Variants in WDR47 observed in about 807,000 individuals in gnomAD.
The protein encoded by WDR47 is WD repeat-containing protein 47.
A neutral mutation model predicts 97.2 loss-of-function variants in WDR47; 32 were observed. The observed-to-expected ratio is 0.33, with a 90% CI of 0.25 to 0.44. The LOEUF is 0.44. Ranked by LOEUF, WDR47 falls within the 20% of genes least tolerant of loss-of-function variation. WDR47 has a pLI of 1.00. For synonymous variants in WDR47, 375 were observed against 373.5 expected (o/e 1.00, Z -0.05); for missense variants, 782 against 1,102.3 (o/e 0.71, Z 4.11).
At chr1:109,041,751 G>C (rs1367496710) in intron 1 of WDR47, 111 bp downstream of exon 1, 9 of 152,308 alleles carry the variant, frequency 5.9e-5, no homozygotes, top group Non-Finnish European at 1.3e-4. Context: ...CACAGTCCTC[G>C]GGGCCGCCCG....
In WDR47 at chr1:109,011,738, G is replaced by A; in HGVS notation, c.328-20C>T. 1.3e-6 allele frequency: 2 copies of A among 1,551,604 alleles called. No homozygotes were observed. The highest frequency in any genetic ancestry group is 1.7e-6 in the Non-Finnish European group (2 of 1,149,554). On this transcript the variant is annotated intron_variant, in intron 4 of 14. Transcript: ENST00000369962. ...TTCCAGCTGTAAGAAAAATATAAAT[G>A]ATCAAATAATCACTATAAAAAACAT... is the stretch of plus-strand genomic sequence containing the variant.
chr1:109,000,237 G>A (rs1625256), intron 7 of WDR47, among the ~76,000 whole-genome samples: 6 of 151,700 alleles, frequency 4.0e-5, no homozygotes, highest in East Asian at 1.9e-4. Flanking sequence ...AAGGGCAGGC[G>A]CAGTGGCTTA....
rs369190600 is a variant in WDR47, at chr1:109,017,607, T to A, written c.159-6A>T. ...GACCATCAAGTATTAGCTGCCTAAA[T>A]AAAAAATTTAAAAAAACCAGCATGT... is the stretch of plus-strand genomic sequence containing the variant. On this transcript the variant is annotated splice_region_variant and splice_polypyrimidine_tract_variant and intron_variant, in intron 2 of 14. Coordinates refer to ENST00000369962, the MANE Select transcript of WDR47 (RefSeq NM_001142551.2). 2 of 1,600,312 alleles carry A rather than the reference T, an allele frequency of 1.2e-6. No homozygotes were observed. Among genetic ancestry groups the A allele is most frequent in the African/African-American group, 2.7e-5 (2 of 73,738 alleles).
intron 1 of WDR47, among the ~76,000 whole-genome samples, chr1:109,039,032 T>C (rs1024943440): frequency 6.6e-6 from 1 of 152,070 alleles, no homozygotes; most frequent in African/African-American, 2.4e-5. Flanking sequence ...GAAAGTTCAC[T>C]GAGATCAATT....
At position 109,031,308 on chromosome 1, in the gene WDR47, A is replaced by G. The variant is rs1024195198; in HGVS notation, c.-9-7787T>C. ...GGAACTGTGAATGATTTTTGGCCAGAAGAAATAAATTATGTTTAAAGCAGG... is the reference window on the plus strand; with the variant it reads ...GGAACTGTGAATGATTTTTGGCCAGGAGAAATAAATTATGTTTAAAGCAGG... On this transcript the variant is annotated intron_variant, in intron 1 of 14. Coordinates refer to ENST00000369962, the MANE Select transcript of WDR47 (RefSeq NM_001142551.2). Among the ~76,000 whole-genome samples, 4 of 140,394 alleles carry G rather than the reference A, an allele frequency of 2.8e-5. 1 individual carries two copies. Among genetic ancestry groups the G allele is most frequent in the Non-Finnish European group, 4.8e-5 (3 of 63,024 alleles). 92.1% of individuals were successfully genotyped at this position (140,394 alleles called of 152,430 possible). A position where few individuals can be genotyped will look rare whatever the true frequency, so the allele number is the denominator to read the frequency against.
At chr1:109,036,362 A>G (rs532775485) in intron 1 of WDR47, among the ~76,000 whole-genome samples, 84 of 151,804 alleles carry the variant, frequency 5.5e-4, no homozygotes, top group South Asian at 3.5e-3. Context: ...TCACAAAGTC[A>G]GGAGATCCAG....
intron 7 of WDR47, among the ~76,000 whole-genome samples, chr1:108,999,237 A>C (rs988192240): frequency 6.6e-6 from 1 of 151,928 alleles, no homozygotes; most frequent in Non-Finnish European, 1.5e-5. Context: ...CCAAAAAAAA[A>C]AAAAATTATA....
chr1:108,988,403 A>G (rs538236526), intron 9 of WDR47, among the ~76,000 whole-genome samples: 66 of 152,276 alleles, frequency 4.3e-4, no homozygotes, highest in African/African-American at 1.2e-3. Flanking sequence ...CTTAAGAAAA[A>G]ATGTTTACCA....
chr1:109,003,374 TTC>T lies in WDR47; in HGVS notation c.1255-974_1255-973del, dbSNP rs1660354738. 2.0e-5 allele frequency among the ~76,000 whole-genome samples: 3 copies of T among 152,248 alleles called. No homozygotes were observed. In the South Asian group the frequency reaches 6.2e-4, roughly 32 times the overall value. ...TTTTAATAGTAATTTTTCTACTTCATTCTTTTTTTAATTTTAATTTTTTTCTT... is the reference window on the plus strand; with the variant it reads ...TTTTAATAGTAATTTTTCTACTTCATTTTTTTTAATTTTAATTTTTTTCTT... On this transcript the variant is annotated intron_variant, in intron 6 of 14. Transcript: ENST00000369962.
rs567923865 is a variant in WDR47 at position 108,992,830 on chromosome 1, G to T, written c.1692-1501C>A. ...TGAAGAAACAAAAACTTATGGCACG[G>T]GAGTAAATTCAGCATTAAAATAAAT... On this transcript the variant is annotated intron_variant, in intron 8 of 14. Coordinates refer to ENST00000369962, the MANE Select transcript of WDR47 (RefSeq NM_001142551.2). 8 of 1,524,082 alleles carry T rather than the reference G, an allele frequency of 5.2e-6. No individual in the cohort carries two copies. The African/African-American group carries it at 6.9e-5, about 13-fold the overall frequency. 94.4% of individuals were successfully genotyped at this position (1,524,082 alleles called of 1,614,324 possible).
rs185990741 is a variant in WDR47 at position 108,970,967 on chromosome 1, G to C, written c.*463C>G. On this transcript the variant is annotated 3_prime_UTR_variant, in exon 15 of 15. Transcript: ENST00000369962. ...AGAAGACAAGTGATAATACAATATG[G>C]GATCGTGAGAAGAGCAAAAGTAATT... 1 of 154,136 alleles carries C rather than the reference G, an allele frequency of 6.5e-6. No individual in the cohort carries two copies. The highest frequency in any genetic ancestry group is 1.9e-4 in the East Asian group (1 of 5,236). 9.5% of individuals were successfully genotyped at this position (154,136 alleles called of 1,614,324 possible). A position where few individuals can be genotyped will look rare whatever the true frequency, so the allele number is the denominator to read the frequency against.
chr1:109,022,688 G>T (rs999299714), intron 2 of WDR47, among the ~76,000 whole-genome samples: 12 of 152,002 alleles, frequency 7.9e-5, no homozygotes, highest in African/African-American at 2.9e-4. Context: ...TGGTTCAAAT[G>T]ATTCTCCTGC....
intron 5 of WDR47, 30 bp downstream of exon 5, chr1:109,010,886 A>C (rs201787921): frequency 1.7e-5 from 27 of 1,577,976 alleles, no homozygotes; most frequent in African/African-American, 2.7e-5. Flanking sequence ...CCGGCCTAAG[A>C]TTTCCTAATT....
chr1:109,025,801 A>C (rs1319353471), intron 1 of WDR47, among the ~76,000 whole-genome samples: 1 of 152,182 alleles, frequency 6.6e-6, no homozygotes, highest in Non-Finnish European at 1.5e-5. Flanking sequence ...CAAACCACAG[A>C]AAAATAATTA....
At chr1:109,002,892 A>G (rs1473267905) in intron 6 of WDR47, among the ~76,000 whole-genome samples, 2 of 152,214 alleles carry the variant, frequency 1.3e-5, no homozygotes, top group African/African-American at 4.8e-5. Flanking sequence ...GAGGGAATAT[A>G]AATTAGTACA....
chr1:109,038,743 G>C (rs974400644), intron 1 of WDR47, among the ~76,000 whole-genome samples: 3 of 152,108 alleles, frequency 2.0e-5, no homozygotes, highest in Non-Finnish European at 2.9e-5. Context: ...TTGGGAGGCC[G>C]AACTGGGTGG....
At position 109,011,688 on chromosome 1, in the gene WDR47, A is replaced by G. The variant is rs747041365; in HGVS notation, c.358T>C (p.Cys120Arg). The G allele has an allele frequency of 1.1e-5, 18 of 1,605,466 alleles. No individual in the cohort carries two copies. The highest frequency in any genetic ancestry group is 1.5e-5 in the Non-Finnish European group (18 of 1,174,542). Reference sequence around the variant, plus strand: ...CAGTATTCTTCTAGAGCATGTAAACATTGCACAGCTTCTTGCATGGTAAAT... The same window carrying G: ...CAGTATTCTTCTAGAGCATGTAAACGTTGCACAGCTTCTTGCATGGTAAAT... ...LEFTMQEAVQ[C>R]LHALEEYCPS... Residue 120 changes from cysteine to arginine, a missense_variant, in exon 5 of 15, where the codon TGT (cysteine) becomes CGT (arginine). Physicochemically the swap from Cys to Arg is radical, Grantham distance 180 (BLOSUM62 -3). Coordinates refer to ENST00000369962, the MANE Select transcript of WDR47 (RefSeq NM_001142551.2).
intron 1 of WDR47, among the ~76,000 whole-genome samples, chr1:109,027,594 G>T (rs534126307): frequency 5.3e-4 from 81 of 151,928 alleles, no homozygotes; most frequent in African/African-American, 1.8e-3. Context: ...TGCAATCTCG[G>T]TTTACTGCAA....
chr1:108,973,852 C>T (rs950863291), intron 14 of WDR47, among the ~76,000 whole-genome samples: 1 of 151,376 alleles, frequency 6.6e-6, no homozygotes, highest in Non-Finnish European at 1.5e-5. Flanking sequence ...CACTGCACTC[C>T]AGCCTGGGTG....
Sources: gnomAD v4.1 joint callset for allele counts (sites outside exome capture counted in the v4.1 genomes callset) on GRCh38, gnomAD v4.1.1 for gene constraint, MANE v1.5 for transcripts, NCBI Gene and HGNC (gene_info 2026-07-23, HGNC 2026-07-21) for gene names.